Variants in OSBPL8 observed in about 807,000 individuals in gnomAD.
The protein encoded by OSBPL8 is oxysterol-binding protein-related protein 8.
Under a neutral mutation model 125.5 loss-of-function variants are expected in OSBPL8, and 59 were observed. The ratio of observed to expected loss-of-function variants is 0.47; its 90% CI spans 0.38 to 0.58. OSBPL8 has a LOEUF of 0.58. Among genes scored for constraint, OSBPL8 ranks in the 20% least tolerant of loss-of-function variants. The probability of loss-of-function intolerance (pLI) is 0.00; values close to 1 mark genes in which losing one functional copy is unlikely to be tolerated. For missense variants in OSBPL8, 758 were observed against 1,047.8 expected (o/e 0.72, Z 3.82); for synonymous variants, 330 against 338.9 (o/e 0.97, Z 0.29).
intron 2 of OSBPL8, among the ~76,000 whole-genome samples, chr12:76,473,957 C>T (rs1349887682): frequency 3.3e-5 from 5 of 152,060 alleles, no homozygotes; most frequent in Non-Finnish European, 7.4e-5. Context: ...GAATAGCTGG[C>T]GGCACACAGT....
intron 1 of OSBPL8, among the ~76,000 whole-genome samples, chr12:76,524,946 A>T (rs1950129177): frequency 6.6e-6 from 1 of 152,146 alleles, no homozygotes; most frequent in South Asian, 2.1e-4. Flanking sequence ...AGCCTCCCAA[A>T]GTGCTGGAAT....
chr12:76,410,129 T>C (rs1463596060), intron 5 of OSBPL8, among the ~76,000 whole-genome samples: 1 of 152,194 alleles, frequency 6.6e-6, no homozygotes, highest in African/African-American at 2.4e-5. Context: ...CTATGTCTTA[T>C]TCTAAGAAAA....
At chr12:76,498,233 T>G (rs1209729872) in intron 1 of OSBPL8, among the ~76,000 whole-genome samples, 1 of 152,228 alleles carries the variant, frequency 6.6e-6, no homozygotes, top group African/African-American at 2.4e-5. Context: ...GGCGAAACCC[T>G]GTCTACGTAT....
At chr12:76,456,310 A>G (rs117279999) in intron 3 of OSBPL8, among the ~76,000 whole-genome samples, 1 of 152,206 alleles carries the variant, frequency 6.6e-6, no homozygotes, top group Non-Finnish European at 1.5e-5. Flanking sequence ...TCTATAGTAC[A>G]TGATACTAAT....
intron 2 of OSBPL8, among the ~76,000 whole-genome samples, chr12:76,468,438 T>G (rs1875726086): frequency 6.6e-6 from 1 of 152,376 alleles, no homozygotes; most frequent in East Asian, 1.9e-4. Flanking sequence ...CTACTTTGTT[T>G]CTGCTTTCCT....
intron 5 of OSBPL8, among the ~76,000 whole-genome samples, 158 bp downstream of exon 5, chr12:76,410,406 A>G (rs1196360073): frequency 2.0e-5 from 3 of 152,188 alleles, no homozygotes; most frequent in Non-Finnish European, 4.4e-5. Flanking sequence ...TACTTATATT[A>G]GCCCCAATGG....
chr12:76,426,337 G>T (rs993064682), intron 4 of OSBPL8, among the ~76,000 whole-genome samples: 27 of 152,120 alleles, frequency 1.8e-4, no homozygotes, highest in African/African-American at 6.5e-4. Context: ...CTGGTTTTGA[G>T]TGTTGCCCAA....
At chr12:76,477,777 G>C (rs1056216727) in intron 2 of OSBPL8, among the ~76,000 whole-genome samples, 11 of 151,878 alleles carry the variant, frequency 7.2e-5, no homozygotes, top group Non-Finnish European at 1.5e-4. Flanking sequence ...TAGGCGAAGG[G>C]GGGGTACAAC....
intron 1 of OSBPL8, among the ~76,000 whole-genome samples, chr12:76,550,137 T>C (rs1322029533): frequency 1.3e-5 from 2 of 151,994 alleles, no homozygotes; most frequent in African/African-American, 2.4e-5. Context: ...TAGAGGCATA[T>C]AGTACAAGAA....
chr12:76,366,527 C>G (rs1237202656), intron 21 of OSBPL8: 1 of 393,098 alleles, frequency 2.5e-6, no homozygotes, highest in African/African-American at 2.1e-5. Flanking sequence ...TTTTTTCCTA[C>G]TCTCTATTTT....
At chr12:76,380,869 T>C (rs1953018626) in intron 15 of OSBPL8, among the ~76,000 whole-genome samples, 2 of 152,150 alleles carry the variant, frequency 1.3e-5, no homozygotes, top group Non-Finnish European at 2.9e-5. Flanking sequence ...AAGTATGAAG[T>C]TGGCTATATA....
intron 4 of OSBPL8, among the ~76,000 whole-genome samples, chr12:76,415,907 T>C (rs1399203255): frequency 6.6e-6 from 1 of 152,184 alleles, no homozygotes; most frequent in Admixed American, 6.5e-5. Flanking sequence ...GTGTGTATTT[T>C]CTGTTCCATT....
chr12:76,504,178 T>C (rs1299311113), intron 1 of OSBPL8, among the ~76,000 whole-genome samples: 4 of 151,654 alleles, frequency 2.6e-5, no homozygotes, highest in African/African-American at 9.7e-5. Flanking sequence ...ATTTGGTGGG[T>C]TTCCAGCCTG....
chr12:76,493,619 G>T (rs745307411), intron 1 of OSBPL8, among the ~76,000 whole-genome samples: 1 of 152,130 alleles, frequency 6.6e-6, no homozygotes, highest in African/African-American at 2.4e-5. Flanking sequence ...TCCCTTGCAT[G>T]TGAGGATCCT....
chr12:76,364,417 G>A (rs972550914), intron 21 of OSBPL8, among the ~76,000 whole-genome samples: 18 of 152,106 alleles, frequency 1.2e-4, no homozygotes, highest in African/African-American at 3.4e-4. Context: ...ACCAAATACC[G>A]CATGTTCTTA....
rs1464953065 is a variant in OSBPL8 at position 76,351,913 on chromosome 12, A to C, written c.*3976T>G. The C allele has an allele frequency of 6.6e-6, 1 of 152,252 alleles. No individual in the cohort carries two copies. Among genetic ancestry groups the C allele is most frequent in the Non-Finnish European group, 1.5e-5 (1 of 68,042 alleles). The allele number at this position is 152,252 out of a possible 1,614,324, so 9.4% of individuals were successfully genotyped here. A position where few individuals can be genotyped will look rare whatever the true frequency, so the allele number is the denominator to read the frequency against. On this transcript the variant is annotated 3_prime_UTR_variant, in exon 24 of 24. Transcript: ENST00000261183. Reference sequence around the variant, plus strand: ...ACAGTTATAATAGGTTAGGAATAATAGATTAGAAATGTACTACATTACAAA... The same window carrying C: ...ACAGTTATAATAGGTTAGGAATAATCGATTAGAAATGTACTACATTACAAA...
rs761228743 is a variant in OSBPL8 at position 76,402,700 on chromosome 12, C to T, written c.355G>A (p.Glu119Lys). Residue 119 changes from glutamate (E) to lysine (K), a missense_variant, in exon 6 of 24, where the codon GAA (glutamate) becomes AAA (lysine). Glu to Lys is a moderately conservative substitution (Grantham distance 56, BLOSUM62 1). Transcript: ENST00000261183. ...AACTGGAAACTAACCTTAAGAGATT[C>T]TTTTTTTGTGAGTTTGCTTGAAGTT... ...SSTSSKLTKK[E>K]SLKVQKKNYR... 5.0e-6 allele frequency: 8 copies of T among 1,603,086 alleles called. No individual in the cohort carries two copies. Among genetic ancestry groups the T allele is most frequent in the Non-Finnish European group, 6.8e-6 (8 of 1,170,688 alleles).
chr12:76,440,632 C>T (rs1872076737), intron 4 of OSBPL8, among the ~76,000 whole-genome samples: 1 of 152,112 alleles, frequency 6.6e-6, no homozygotes, highest in Non-Finnish European at 1.5e-5. Context: ...GGAAGACTCT[C>T]TCCTCCCATC....
At chr12:76,482,858 A>C (rs1877673931) in intron 2 of OSBPL8, among the ~76,000 whole-genome samples, 1 of 152,252 alleles carries the variant, frequency 6.6e-6, no homozygotes, top group African/African-American at 2.4e-5. Context: ...ATATAGAAAG[A>C]TAGATTTAAT....
Sources: gnomAD v4.1 joint callset for allele counts (sites outside exome capture counted in the v4.1 genomes callset) on GRCh38, gnomAD v4.1.1 for gene constraint, MANE v1.5 for transcripts, NCBI Gene and HGNC (gene_info 2026-07-23, HGNC 2026-07-21) for gene names.